Variants in KDM2A observed in about 807,000 individuals in gnomAD.
KDM2A encodes the protein lysine-specific demethylase 2A.
A neutral mutation model predicts 137.3 loss-of-function variants in KDM2A; 3 were observed. That is an observed-to-expected ratio of 0.02 (90% confidence interval 0.01 to 0.06). The LOEUF (loss-of-function observed/expected upper bound fraction) is 0.06. KDM2A is among the 10% of genes least tolerant of loss of function. KDM2A has a pLI of 1.00. For missense variants in KDM2A, 738 were observed against 1,510.6 expected (o/e 0.49, Z 8.48); for synonymous variants, 512 against 541.5 (o/e 0.95, Z 0.76).
intron 12 of KDM2A, among the ~76,000 whole-genome samples, chr11:67,236,665 A>G (rs1858880758): frequency 1.3e-5 from 2 of 152,318 alleles, no homozygotes; most frequent in South Asian, 4.1e-4. Context: ...GTAAGTTACT[A>G]AATTTATGGA....
At chr11:67,248,088 G>A (rs948500228) in intron 15 of KDM2A, among the ~76,000 whole-genome samples, 193 bp from the exon 16 acceptor site, 2 of 152,212 alleles carry the variant, frequency 1.3e-5, no homozygotes, top group Non-Finnish European at 2.9e-5. Context: ...CTAAACCCAA[G>A]CTATCAGAAC....
intron 15 of KDM2A, among the ~76,000 whole-genome samples, chr11:67,247,069 A>T (rs1199891179): frequency 0.074 from 1,546 of 20,926 alleles, 138 homozygotes; most frequent in Admixed American, 0.34. Flanking sequence ...ATATATATAT[A>T]TATTTTTTTT....
At chr11:67,253,675 C>T (rs1036033812) in intron 19 of KDM2A, 64 bp downstream of exon 19, 23 of 1,545,526 alleles carry the variant, frequency 1.5e-5, no homozygotes, top group African/African-American at 9.6e-5. Context: ...AAACAGACCT[C>T]GTCTTCAGAA....
chr11:67,174,197 G>A (rs1856931715), intron 2 of KDM2A, among the ~76,000 whole-genome samples: 1 of 152,210 alleles, frequency 6.6e-6, no homozygotes, highest in Non-Finnish European at 1.5e-5. Flanking sequence ...GACAGAGGTT[G>A]CAGTAAGCTG....
chr11:67,241,730 T>C (rs1859048288), intron 12 of KDM2A, among the ~76,000 whole-genome samples: 1 of 152,142 alleles, frequency 6.6e-6, no homozygotes, highest in African/African-American at 2.4e-5. Context: ...AGAAGAAGGA[T>C]TCCATTATAC....
At chr11:67,210,987 G>A (rs1332612283) in intron 6 of KDM2A, among the ~76,000 whole-genome samples, 1 of 152,050 alleles carries the variant, frequency 6.6e-6, no homozygotes, top group East Asian at 1.9e-4. Context: ...AACCCGGGAG[G>A]CAGAAGTTGC....
chr11:67,193,558 C>G (rs1451163791), intron 5 of KDM2A, among the ~76,000 whole-genome samples: 2 of 152,114 alleles, frequency 1.3e-5, no homozygotes, highest in African/African-American at 2.4e-5. Context: ...TTATTTTTAT[C>G]CTTTTAAATA....
intron 2 of KDM2A, among the ~76,000 whole-genome samples, chr11:67,143,867 A>G (rs1856180485): frequency 6.6e-6 from 1 of 151,940 alleles, no homozygotes; most frequent in African/African-American, 2.4e-5. Context: ...CTTTACTTCA[A>G]GTGATCCGCC....
intron 2 of KDM2A, among the ~76,000 whole-genome samples, chr11:67,145,172 A>AT (rs1365212343): frequency 1.3e-5 from 2 of 150,052 alleles, no homozygotes; most frequent in Non-Finnish European, 3.0e-5. Flanking sequence ...GTGCCCGACC[A>AT]TTCACATGGT....
chr11:67,185,400 G>A (rs988352536), intron 5 of KDM2A, among the ~76,000 whole-genome samples: 3 of 152,242 alleles, frequency 2.0e-5, no homozygotes, highest in Admixed American at 6.5e-5. Context: ...GGGAGGCCAA[G>A]GCGGGTGGAT....
intron 2 of KDM2A, among the ~76,000 whole-genome samples, chr11:67,173,601 C>G (rs1448598038): frequency 6.6e-6 from 1 of 152,042 alleles, no homozygotes; most frequent in Admixed American, 6.5e-5. Flanking sequence ...ATGAACCAGG[C>G]TGGTCTTGAA....
intron 2 of KDM2A, among the ~76,000 whole-genome samples, chr11:67,156,986 T>C (rs1053386649): frequency 2.0e-5 from 3 of 151,914 alleles, no homozygotes; most frequent in Non-Finnish European, 4.4e-5. Context: ...CCCACAAAAT[T>C]TAAAATATTT....
intron 12 of KDM2A, among the ~76,000 whole-genome samples, chr11:67,234,830 G>A (rs1858819034): frequency 6.6e-6 from 1 of 152,130 alleles, no homozygotes; most frequent in Non-Finnish European, 1.5e-5. Context: ...TCCAGTCTGG[G>A]CAAAAGAGTG....
intron 2 of KDM2A, among the ~76,000 whole-genome samples, chr11:67,129,932 G>T (rs1169075045): frequency 6.6e-6 from 1 of 150,398 alleles, no homozygotes; most frequent in Admixed American, 6.6e-5. Context: ...AAAAATTAAA[G>T]TTTAGTCTGA....
chr11:67,217,630 C>A, intron 8 of KDM2A, 101 bp from the exon 9 acceptor site: 1 of 1,215,276 alleles, frequency 8.2e-7, no homozygotes, highest in Non-Finnish European at 1.2e-6. Context: ...GCTTGCCTTT[C>A]TTCTACCTGG....
intron 12 of KDM2A, among the ~76,000 whole-genome samples, chr11:67,242,406 A>G (rs1284939019): frequency 6.6e-6 from 1 of 152,200 alleles, no homozygotes; most frequent in Non-Finnish European, 1.5e-5. Flanking sequence ...TGTACCATTC[A>G]TCTCATTAAT....
rs573322021 is a variant in KDM2A, at chr11:67,197,946, A to G, written c.308-9564A>G. ...TGGATAATGTAAACAGTTGATTAAC[A>G]TATTTTATGTTATACATATTATATA... On this transcript the variant is annotated intron_variant, in intron 5 of 20. Coordinates refer to ENST00000529006, the MANE Select transcript of KDM2A (RefSeq NM_012308.3). 2.6e-5 allele frequency among the ~76,000 whole-genome samples: 4 copies of G among 151,830 alleles called. No homozygotes were observed. The South Asian group carries it at 6.2e-4, about 24-fold the overall frequency.
intron 5 of KDM2A, among the ~76,000 whole-genome samples, chr11:67,204,242 A>G (rs1312400293): frequency 1.3e-5 from 2 of 152,148 alleles, no homozygotes; most frequent in African/African-American, 4.8e-5. Flanking sequence ...CCCATTTTAA[A>G]GCATACCAGT....
At chr11:67,127,817 C>T (rs1364030424) in intron 2 of KDM2A, among the ~76,000 whole-genome samples, 1 of 152,076 alleles carries the variant, frequency 6.6e-6, no homozygotes, top group Non-Finnish European at 1.5e-5. Flanking sequence ...AAGCGATTCT[C>T]CTGCTTCAGC....
Sources: gnomAD v4.1 joint callset for allele counts (sites outside exome capture counted in the v4.1 genomes callset) on GRCh38, gnomAD v4.1.1 for gene constraint, MANE v1.5 for transcripts, NCBI Gene and HGNC (gene_info 2026-07-23, HGNC 2026-07-21) for gene names.